The following NCK1 variants were observed in gnomAD, a reference collection of about 807,000 sequenced individuals.
The protein encoded by NCK1 is SH2/SH3 adapter protein NCK1.
NCK1 carries 19 observed loss-of-function variants against 36.6 expected under a neutral mutation model. That is an observed-to-expected ratio of 0.52 (90% CI 0.36 to 0.76). NCK1 has a LOEUF of 0.76. Ranked by LOEUF, NCK1 falls within the 30% of genes least tolerant of loss-of-function variation. The pLI, the probability that NCK1 is intolerant of heterozygous loss-of-function variation, is 0.00. For missense variants in NCK1, 358 were observed against 445.6 expected, an observed-to-expected ratio of 0.80 and a Z score of 1.77; for synonymous variants, 165 against 156.0, an observed-to-expected ratio of 1.06 and a Z score of -0.43.
chr3:136,885,570 G>T (rs1939055610), intron 1 of NCK1, among the ~76,000 whole-genome samples: 1 of 152,166 alleles, frequency 6.6e-6, no homozygotes, highest in African/African-American at 2.4e-5. Flanking sequence ...CTCTGAAAGT[G>T]CTGCAATTAC....
Position 136,950,838 on chromosome 3 carries a change from C to G in NCK1, c.*2385C>G, listed in dbSNP as rs1940954502. Among the ~76,000 whole-genome samples, 1 of 152,088 alleles carries G rather than the reference C, an allele frequency of 6.6e-6. No homozygotes were observed. Among genetic ancestry groups the G allele is most frequent in the Non-Finnish European group, 1.5e-5 (1 of 67,982 alleles). Reference sequence around the variant, plus strand: ...TTAAATACATGTGTCAGATGGAACCCTGCCTAACTCACTTCTACAAATAAC... The same window carrying G: ...TTAAATACATGTGTCAGATGGAACCGTGCCTAACTCACTTCTACAAATAAC... On this transcript the variant is annotated 3_prime_UTR_variant, in exon 4 of 4. Coordinates refer to ENST00000481752, the MANE Select transcript of NCK1 (RefSeq NM_001291999.2).
rs561243976 is a variant in NCK1, at chr3:136,868,056, C to T, written c.-19+5703C>T. On this transcript the variant is annotated intron_variant, in intron 1 of 3. Transcript: ENST00000481752. ...CCTCAGCCTCCTGAGGAGCTGGGAT[C>T]ACAGGCACCTGCCACCACACCTGGC... Among the ~76,000 whole-genome samples, 381 of 151,722 alleles carry T rather than the reference C, an allele frequency of 2.5e-3. 2 individuals are homozygous for T. Among genetic ancestry groups the T allele is most frequent in the African/African-American group, 8.6e-3 (356 of 41,380 alleles).
rs1560038383 is a variant in NCK1 at position 136,893,181 on chromosome 3, T to TACACACACACACACACACACACACACC, written c.-19+30829_-19+30830insCACACACACACACACACACACACACCA. On this transcript the variant is annotated intron_variant, in intron 1 of 3. Transcript: ENST00000481752. ...GTGTGTGTGTGTGTGTGTGTGTGTA[T>TACACACACACACACACACACACACACC]ATATATATATACACACATGTGCAAG... Among the ~76,000 whole-genome samples the TACACACACACACACACACACACACACC allele has an allele frequency of 1.2e-4, 15 of 127,760 alleles. 1 individual carries two copies. The highest frequency in any genetic ancestry group is 4.3e-4 in the African/African-American group (15 of 34,724). 83.8% of individuals were successfully genotyped at this position (127,760 alleles called of 152,430 possible).
At chr3:136,908,563 A>C (rs1416530510) in intron 1 of NCK1, among the ~76,000 whole-genome samples, 1 of 152,194 alleles carries the variant, frequency 6.6e-6, no homozygotes, top group Non-Finnish European at 1.5e-5. Flanking sequence ...CTGGAGACCA[A>C]ATCTGTGGAT....
intron 2 of NCK1, among the ~76,000 whole-genome samples, chr3:136,929,933 T>C (rs1376058343): frequency 1.3e-5 from 2 of 152,212 alleles, no homozygotes; most frequent in East Asian, 1.9e-4. Context: ...TCTGATGTTA[T>C]TGAGACAGTT....
intron 1 of NCK1, among the ~76,000 whole-genome samples, chr3:136,912,008 T>G (rs952955842): frequency 2.0e-5 from 3 of 152,154 alleles, no homozygotes; most frequent in Non-Finnish European, 4.4e-5. Context: ...TTACTCTTAC[T>G]CCTTTCAAGA....
chr3:136,872,077 T>C (rs1258406225), intron 1 of NCK1, among the ~76,000 whole-genome samples: 1 of 151,998 alleles, frequency 6.6e-6, no homozygotes, highest in African/African-American at 2.4e-5. Flanking sequence ...TACCCGAAAA[T>C]GTGGAAGCAA....
At chr3:136,866,115 A>G (rs970053974) in intron 1 of NCK1, among the ~76,000 whole-genome samples, 4 of 152,214 alleles carry the variant, frequency 2.6e-5, no homozygotes, top group Admixed American at 6.5e-5. Flanking sequence ...TTCAGAGTAT[A>G]GTTCAGAATT....
At chr3:136,873,128 C>T (rs2108069803) in intron 1 of NCK1, among the ~76,000 whole-genome samples, 1 of 152,208 alleles carries the variant, frequency 6.6e-6, no homozygotes, top group African/African-American at 2.4e-5. Context: ...CACCATGCGC[C>T]TGGAAAAGCT....
intron 3 of NCK1, among the ~76,000 whole-genome samples, chr3:136,947,619 T>C (rs2108156234): frequency 6.6e-6 from 1 of 152,286 alleles, no homozygotes; most frequent in African/African-American, 2.4e-5. Flanking sequence ...ACCCGGTTCC[T>C]GCAAGGCAAC....
At chr3:136,927,591 G>A (rs1004545371) in intron 1 of NCK1, among the ~76,000 whole-genome samples, 1 of 152,022 alleles carries the variant, frequency 6.6e-6, no homozygotes, top group Non-Finnish European at 1.5e-5. Context: ...GTGCGATATC[G>A]GCTCACTGCA....
intron 2 of NCK1, among the ~76,000 whole-genome samples, chr3:136,943,387 G>A (rs1023652530): frequency 2.0e-5 from 3 of 152,204 alleles, no homozygotes; most frequent in Non-Finnish European, 4.4e-5. Context: ...TTGGACATGA[G>A]TGTTGGGTTT....
chr3:136,903,929 A>G (rs1024092030), intron 1 of NCK1, among the ~76,000 whole-genome samples: 5 of 151,732 alleles, frequency 3.3e-5, no homozygotes, highest in East Asian at 1.9e-4. Context: ...TGTTTGGTCT[A>G]TCAGTGGTTT....
rs372721676 is a variant in NCK1 at position 136,896,873 on chromosome 3, A to G, written c.-18-31111A>G. 5.3e-5 allele frequency among the ~76,000 whole-genome samples: 8 copies of G among 152,234 alleles called. No homozygotes were observed. The East Asian group carries it at 1.3e-3, about 26-fold the overall frequency. On this transcript the variant is annotated intron_variant, in intron 1 of 3. Transcript: ENST00000481752. ...GTGAATAGTGCTACAGTAAACATGC[A>G]AGTGCAGGTATCCCTTTGATATACT...
intron 1 of NCK1, among the ~76,000 whole-genome samples, chr3:136,864,483 G>A (rs1333051137): frequency 5.6e-5 from 5 of 88,910 alleles, no homozygotes; most frequent in Non-Finnish European, 1.3e-4. Context: ...GCAAGATTCC[G>A]TCACACACAC....
intron 1 of NCK1, among the ~76,000 whole-genome samples, chr3:136,913,128 G>T (rs1939872085): frequency 6.6e-6 from 1 of 151,188 alleles, no homozygotes; most frequent in African/African-American, 2.4e-5. Context: ...GTTTCTGTTG[G>T]TTTATTTTTT....
At chr3:136,914,226 T>C (rs1384659303) in intron 1 of NCK1, among the ~76,000 whole-genome samples, 1 of 152,172 alleles carries the variant, frequency 6.6e-6, no homozygotes, top group Non-Finnish European at 1.5e-5. Flanking sequence ...TACCTGATAG[T>C]TGGAGGACAG....
chr3:136,940,329 A>G (rs956818187), intron 2 of NCK1, among the ~76,000 whole-genome samples: 2 of 152,162 alleles, frequency 1.3e-5, no homozygotes, highest in African/African-American at 2.4e-5. Context: ...TATTTCCTTA[A>G]TGATTTTTCA....
Position 136,948,345 on chromosome 3 carries a change from G to A in NCK1, c.1026G>A (p.Gly342=). ...VQLKETVYCI[G]QRKFSTMEEL... is the part of the protein sequence containing the mutation. ...TAAAAGAGACTGTCTACTGCATTGG[G>A]CAGCGTAAATTCAGCACCATGGAAG... The change falls in exon 4 of 4, where the codon GGG becomes GGA. Residue 342 remains glycine (G), a synonymous_variant. Coordinates refer to ENST00000481752, the MANE Select transcript of NCK1 (RefSeq NM_001291999.2). The A allele has an allele frequency of 6.2e-7, 1 of 1,613,146 alleles. No individual in the cohort carries two copies.
Sources: allele counts gnomAD v4.1 joint callset (sites outside exome capture counted in the v4.1 genomes callset), GRCh38; gene constraint gnomAD v4.1.1; transcripts MANE v1.5; gene names NCBI Gene and HGNC (gene_info 2026-07-23, HGNC 2026-07-21).